The following NAV2 variants were observed in gnomAD, a reference collection of about 807,000 sequenced individuals.
NAV2 encodes helicase, APC down-regulated 1.
NAV2 carries 54 observed loss-of-function variants against 223.2 expected under a neutral mutation model. That is an observed-to-expected ratio of 0.24 (90% CI 0.19 to 0.30). The LOEUF is 0.30. Among genes scored for constraint, NAV2 ranks in the 10% least tolerant of loss-of-function variants. The probability of loss-of-function intolerance (pLI) is 1.00; values close to 1 mark genes in which losing one functional copy is unlikely to be tolerated. For synonymous variants in NAV2, 1,279 were observed against 1,239.3 expected (o/e 1.03, Z -0.67); for missense variants, 2,806 against 3,147.5 (o/e 0.89, Z 2.60).
intron 1 of NAV2, among the ~76,000 whole-genome samples, chr11:19,769,835 C>CA (rs1372700185): frequency 6.6e-6 from 1 of 152,138 alleles, no homozygotes; most frequent in Non-Finnish European, 1.5e-5. Flanking sequence ...TTCCCTACAG[C>CA]AAAAGGGTTA....
chr11:19,986,716 A>G (rs1448833702), intron 11 of NAV2, among the ~76,000 whole-genome samples: 2 of 152,266 alleles, frequency 1.3e-5, no homozygotes, highest in Admixed American at 6.5e-5. Context: ...TTTGCAAAAG[A>G]CTACAAATTT....
intron 1 of NAV2, among the ~76,000 whole-genome samples, chr11:19,538,061 A>C (rs1205337512): frequency 6.6e-6 from 1 of 152,194 alleles, no homozygotes; most frequent in Non-Finnish European, 1.5e-5. Context: ...CTTCTGCAGC[A>C]CCTATGCTCT....
At chr11:19,895,124 T>TTTTTTG (rs2041863469) in intron 6 of NAV2, among the ~76,000 whole-genome samples, 1 of 118,822 alleles carries the variant, frequency 8.4e-6, no homozygotes, top group Non-Finnish European at 1.9e-5. Flanking sequence ...TTTTTTTTTT[T>TTTTTTG]TTTGAGACAG....
chr11:19,910,061 C>A (rs968380851), intron 6 of NAV2, among the ~76,000 whole-genome samples: 1 of 152,092 alleles, frequency 6.6e-6, no homozygotes, highest in African/African-American at 2.4e-5. Flanking sequence ...AGGTATTTTG[C>A]ATACGTAGTC....
At chr11:19,624,153 C>A (rs960876710) in intron 1 of NAV2, among the ~76,000 whole-genome samples, 1 of 152,152 alleles carries the variant, frequency 6.6e-6, no homozygotes, top group African/African-American at 2.4e-5. Context: ...GGGCACCTGG[C>A]CGTGTGAGGT....
intron 1 of NAV2, among the ~76,000 whole-genome samples, chr11:19,547,114 C>T (rs183095314): frequency 3.9e-4 from 59 of 152,338 alleles, no homozygotes; most frequent in Admixed American, 1.1e-3. Context: ...ACAGCAGCCT[C>T]TCCTGCCCTG....
chr11:19,558,764 G>A (rs1172990378), intron 1 of NAV2, among the ~76,000 whole-genome samples: 1 of 152,156 alleles, frequency 6.6e-6, no homozygotes, highest in African/African-American at 2.4e-5. Flanking sequence ...ACAGGCTGGG[G>A]GCTCGGATGT....
intron 22 of NAV2, among the ~76,000 whole-genome samples, chr11:20,074,345 A>G (rs955525857): frequency 2.6e-5 from 4 of 152,088 alleles, no homozygotes; most frequent in Non-Finnish European, 5.9e-5. Context: ...GGAGTGTTTT[A>G]CTTCCGATTA....
At chr11:19,429,243 A>G (rs569495713) in intron 1 of NAV2, among the ~76,000 whole-genome samples, 1 of 152,286 alleles carries the variant, frequency 6.6e-6, no homozygotes, top group South Asian at 2.1e-4. Flanking sequence ...TACTCTGTGA[A>G]TTGAAAACTT....
At chr11:19,586,960 T>C (rs1367755368) in intron 1 of NAV2, among the ~76,000 whole-genome samples, 1 of 152,246 alleles carries the variant, frequency 6.6e-6, no homozygotes, top group African/African-American at 2.4e-5. Flanking sequence ...TGTTTGGCTA[T>C]GCCCTGCCCC....
intron 1 of NAV2, among the ~76,000 whole-genome samples, chr11:19,706,905 C>G (rs1425268626): frequency 3.3e-5 from 5 of 152,178 alleles, no homozygotes; most frequent in African/African-American, 4.8e-5. Context: ...AGGCTATATT[C>G]TATAGCCTAT....
chr11:19,376,540 C>G (rs1429125665), intron 1 of NAV2, among the ~76,000 whole-genome samples: 2 of 152,200 alleles, frequency 1.3e-5, no homozygotes, highest in Non-Finnish European at 1.5e-5. Context: ...ATTTCTGTTT[C>G]AAGGTCTTTC....
chr11:19,644,694 G>A (rs1222748942), intron 1 of NAV2, among the ~76,000 whole-genome samples: 1 of 152,210 alleles, frequency 6.6e-6, no homozygotes, highest in African/African-American at 2.4e-5. Flanking sequence ...GAGACTGCAG[G>A]AAGAGATTCA....
chr11:19,797,496 C>T (rs1165538208), intron 1 of NAV2, among the ~76,000 whole-genome samples: 1 of 152,104 alleles, frequency 6.6e-6, no homozygotes, highest in African/African-American at 2.4e-5. Flanking sequence ...CTTGTAAATG[C>T]CATTCATTCT....
At chr11:20,113,716 G>A (rs1340555457) in intron 36 of NAV2, among the ~76,000 whole-genome samples, 1 of 152,096 alleles carries the variant, frequency 6.6e-6, no homozygotes, top group Non-Finnish European at 1.5e-5. Context: ...GGGTTTTATT[G>A]AGCCAGGACC....
At chr11:19,968,147 A>T (rs1018829049) in intron 10 of NAV2, among the ~76,000 whole-genome samples, 1 of 152,046 alleles carries the variant, frequency 6.6e-6, no homozygotes, top group African/African-American at 2.4e-5. Context: ...TACTACCTAG[A>T]GTTCATATGA....
intron 1 of NAV2, among the ~76,000 whole-genome samples, chr11:19,423,228 T>C (rs11821925): frequency 0.033 from 5,094 of 152,318 alleles, 310 homozygotes; most frequent in African/African-American, 0.11. Flanking sequence ...CTTTAACCTT[T>C]ATACAGTGAC....
chr11:19,449,764 G>C (rs1418803781), intron 1 of NAV2, among the ~76,000 whole-genome samples: 6 of 152,124 alleles, frequency 3.9e-5, no homozygotes, highest in African/African-American at 7.2e-5. Context: ...TATGTCCGCA[G>C]TGCCTGGCCC....
intron 1 of NAV2, among the ~76,000 whole-genome samples, chr11:19,440,451 T>C (rs887890687): frequency 6.6e-6 from 1 of 151,862 alleles, no homozygotes; most frequent in African/African-American, 2.4e-5. Context: ...GCTGCTGGGG[T>C]CGGTATGGTT....
Sources: gnomAD v4.1 joint callset for allele counts (sites outside exome capture counted in the v4.1 genomes callset) on GRCh38, gnomAD v4.1.1 for gene constraint, MANE v1.5 for transcripts, NCBI Gene and HGNC (gene_info 2026-07-23, HGNC 2026-07-21) for gene names.